FBLN5: variants seen among roughly 807,000 people sequenced by gnomAD.
The protein encoded by FBLN5 is fibulin 5, also known as fibulin-5.
In FBLN5, 24 loss-of-function variants were observed where a neutral mutation model predicts 61.6. The observed-to-expected ratio is 0.39, with a 90% confidence interval of 0.28 to 0.55. The LOEUF is 0.55. Among genes scored for constraint, FBLN5 ranks in the 20% least tolerant of loss-of-function variants. The pLI is 0.65. For synonymous variants in FBLN5, 213 were observed against 219.8 expected (o/e 0.97, Z 0.27); for missense variants, 470 against 594.1 (o/e 0.79, Z 2.17).
chr14:91,938,010 G>A (rs1195743732), intron 3 of FBLN5, among the ~76,000 whole-genome samples: 1 of 152,202 alleles, frequency 6.6e-6, no homozygotes, highest in Non-Finnish European at 1.5e-5. Flanking sequence ...TTAAAATAAA[G>A]AGTGTTTATC....
chr14:91,939,334 T>C (rs553400023), intron 3 of FBLN5, among the ~76,000 whole-genome samples: 26 of 131,060 alleles, frequency 2.0e-4, no homozygotes, highest in African/African-American at 7.5e-4. Context: ...GTGACCTCCA[T>C]TAATTTTTTT....
In FBLN5 at chr14:91,937,210, C is replaced by T; in HGVS notation, c.125-9G>A. ...TCGGCATTCATCAATATCTGAAAGG[C>T]ACAGAAAGGGCGAGCATTAGTGGCA... On this transcript the variant is annotated splice_polypyrimidine_tract_variant and intron_variant, in intron 3 of 10. Coordinates refer to ENST00000342058, the MANE Select transcript of FBLN5 (RefSeq NM_006329.4). The T allele has an allele frequency of 1.2e-6, 2 of 1,614,090 alleles. No individual in the cohort carries two copies. The highest frequency in any genetic ancestry group is 8.5e-7 in the Non-Finnish European group (1 of 1,180,004).
chr14:91,916,462 A>G lies in FBLN5; in HGVS notation c.379+20485T>C, dbSNP rs538641641. 3.3e-5 allele frequency among the ~76,000 whole-genome samples: 5 copies of G among 152,370 alleles called. No homozygotes were observed. The South Asian group carries it at 1.0e-3, about 32-fold the overall frequency. On this transcript the variant is annotated intron_variant, in intron 4 of 10. Coordinates refer to ENST00000342058, the MANE Select transcript of FBLN5 (RefSeq NM_006329.4). Reference sequence around the variant, plus strand: ...ATTCTGTCTCAAAATCAAACAAAAAAGAATTCAGGTGAGGGACTAGGCATT... The same window carrying G: ...ATTCTGTCTCAAAATCAAACAAAAAGGAATTCAGGTGAGGGACTAGGCATT...
At chr14:91,942,031 C>T in intron 2 of FBLN5, 1 of 394,642 alleles carries the variant, frequency 2.5e-6, no homozygotes, top group Non-Finnish European at 5.0e-6. Context: ...GAAAATGCTC[C>T]CCTACCTGCC....
At position 91,870,218 on chromosome 14, in the gene FBLN5, C is replaced by T. The variant is rs537336040; in HGVS notation, c.*6G>A. ...AGAGGCAGCGTCGGAGGCTCCAGCC[C>T]GAGGCTCAGAATGGGTACTGCGACA... On this transcript the variant is annotated 3_prime_UTR_variant, in exon 11 of 11. Coordinates refer to ENST00000342058, the MANE Select transcript of FBLN5 (RefSeq NM_006329.4). 8.1e-6 allele frequency: 13 copies of T among 1,614,024 alleles called. No individual in the cohort carries two copies. The South Asian group carries it at 9.9e-5, about 12-fold the overall frequency.
intron 4 of FBLN5, among the ~76,000 whole-genome samples, chr14:91,928,138 G>A (rs1158345327): frequency 2.0e-5 from 3 of 152,354 alleles, no homozygotes; most frequent in Non-Finnish European, 2.9e-5. Flanking sequence ...GTAGGGTCCC[G>A]GCAGGTGTCA....
rs759056069 is a variant in FBLN5, at chr14:91,891,207, T to G, written c.619+14A>C. 2 of 1,421,398 alleles carry G rather than the reference T, an allele frequency of 1.4e-6. No homozygotes were observed. Among genetic ancestry groups the G allele is most frequent in the Non-Finnish European group, 2.0e-6 (2 of 1,003,848 alleles). The allele number at this position is 1,421,398 out of a possible 1,614,324, so 88.0% of individuals were successfully genotyped here. On this transcript the variant is annotated intron_variant, in intron 6 of 10. Coordinates refer to ENST00000342058, the MANE Select transcript of FBLN5 (RefSeq NM_006329.4). ...GTCTCACATCATGTCCAAGTTATCATGCACGTCACATACCTTGGCAAGACC... is the reference window on the plus strand; with the variant it reads ...GTCTCACATCATGTCCAAGTTATCAGGCACGTCACATACCTTGGCAAGACC...
intron 1 of FBLN5, among the ~76,000 whole-genome samples, chr14:91,946,296 C>G (rs1044009432): frequency 6.6e-6 from 1 of 151,922 alleles, no homozygotes; most frequent in Non-Finnish European, 1.5e-5. Context: ...AAAAAAAAAC[C>G]CTGGAAACTC....
Position 91,895,003 on chromosome 14 carries a change from C to T in FBLN5, c.449G>A (p.Gly150Glu). Residue 150 changes from glycine to glutamate, a missense_variant, in exon 5 of 11, where the codon GGG becomes GAG. Physicochemically the swap from Gly to Glu is moderately conservative, Grantham distance 98. Coordinates refer to ENST00000342058, the MANE Select transcript of FBLN5 (RefSeq NM_006329.4). ...TCCGTCGGTGCAGGAGCAGGTGTACCCGCCTTCAGTATTGATGCAGATCTG... is the reference window on the plus strand; with the variant it reads ...TCCGTCGGTGCAGGAGCAGGTGTACTCGCCTTCAGTATTGATGCAGATCTG... ...PTQICINTEG[G>E]YTCSCTDGYW... is the part of the protein sequence containing the mutation. 1 of 1,614,068 alleles carries T rather than the reference C, an allele frequency of 6.2e-7. No individual in the cohort carries two copies.
chr14:91,940,559 T>C lies in FBLN5; in HGVS notation c.124+6A>G, dbSNP rs758426809. 1 of 1,613,126 alleles carries C rather than the reference T, an allele frequency of 6.2e-7. No homozygotes were observed. Among genetic ancestry groups the C allele is most frequent in the Non-Finnish European group, 8.5e-7 (1 of 1,179,246 alleles). On this transcript the variant is annotated splice_donor_region_variant and intron_variant, in intron 3 of 10. Transcript: ENST00000342058. ...ACCCCAATGAAGGATCCACAGTGGC[T>C]CATACCTAAACACTGTCCTGACTGG...
intron 4 of FBLN5, among the ~76,000 whole-genome samples, chr14:91,896,782 C>T (rs1242396802): frequency 6.6e-6 from 1 of 152,172 alleles, no homozygotes; most frequent in Non-Finnish European, 1.5e-5. Context: ...ACTGACCCCA[C>T]TCCCACGCTG....
chr14:91,934,655 G>C (rs574084581), intron 4 of FBLN5, among the ~76,000 whole-genome samples: 1 of 152,288 alleles, frequency 6.6e-6, no homozygotes, highest in African/African-American at 2.4e-5. Flanking sequence ...CACTGCTCAT[G>C]CAATGCCTCC....
intron 4 of FBLN5, among the ~76,000 whole-genome samples, chr14:91,916,078 A>G (rs924128094): frequency 2.0e-5 from 3 of 152,244 alleles, no homozygotes; most frequent in Admixed American, 1.3e-4. Flanking sequence ...ATGGTTACAT[A>G]TGGTAAAAAT....
At chr14:91,889,603 A>C (rs2430355) in intron 6 of FBLN5, among the ~76,000 whole-genome samples, 146,126 of 152,310 alleles carry the variant, frequency 0.96, 70,394 homozygotes, top group East Asian at 1. Context: ...GCTGACCTCA[A>C]GAGGCTATTT....
chr14:91,933,667 T>C (rs1004687499), intron 4 of FBLN5, among the ~76,000 whole-genome samples: 4 of 152,196 alleles, frequency 2.6e-5, no homozygotes, highest in Non-Finnish European at 4.4e-5. Flanking sequence ...TTTAAATTAA[T>C]GCACTGAGTA....
At chr14:91,906,107 G>A (rs934922028) in intron 4 of FBLN5, among the ~76,000 whole-genome samples, 1 of 151,960 alleles carries the variant, frequency 6.6e-6, no homozygotes, top group Admixed American at 6.5e-5. Flanking sequence ...GGCTGGTCTC[G>A]AACTCCCAAC....
At chr14:91,885,394 G>C (rs1889681544) in intron 7 of FBLN5, among the ~76,000 whole-genome samples, 1 of 152,230 alleles carries the variant, frequency 6.6e-6, no homozygotes, top group South Asian at 2.1e-4. Context: ...AAACTCCACT[G>C]TGTCCAAAAA....
chr14:91,886,200 C>T (rs1889717145), intron 7 of FBLN5, among the ~76,000 whole-genome samples: 1 of 152,190 alleles, frequency 6.6e-6, no homozygotes, highest in African/African-American at 2.4e-5. Context: ...TTTGAAAGCA[C>T]AGTGAAGCAT....
At chr14:91,889,981 A>C (rs1025345256) in intron 6 of FBLN5, among the ~76,000 whole-genome samples, 4 of 152,190 alleles carry the variant, frequency 2.6e-5, no homozygotes, top group Non-Finnish European at 5.9e-5. Context: ...AGGCCTTGGC[A>C]CAGAGAAGCC....
Sources: gnomAD v4.1 joint callset for allele counts (sites outside exome capture counted in the v4.1 genomes callset) on GRCh38, gnomAD v4.1.1 for gene constraint, MANE v1.5 for transcripts, NCBI Gene and HGNC (gene_info 2026-07-23, HGNC 2026-07-21) for gene names.